DMD: variants seen among roughly 807,000 people sequenced by gnomAD.
DMD encodes the protein dystrophin, also known as mutant dystrophin.
DMD carries 63 observed loss-of-function variants against 330.1 expected under a neutral mutation model. The observed-to-expected ratio is 0.19, with a 90% CI of 0.16 to 0.24. The LOEUF (loss-of-function observed/expected upper bound fraction) is 0.24, where lower values mean the gene tolerates loss of function less well. Ranked by LOEUF, DMD falls within the 10% of genes least tolerant of loss-of-function variation. The probability of loss-of-function intolerance (pLI) is 1.00; values close to 1 mark genes in which losing one functional copy is unlikely to be tolerated. For synonymous variants in DMD, 1,223 were observed against 959.8 expected, an observed-to-expected ratio of 1.27 and a Z score of -5.07; for missense variants, 3,344 against 2,684.1, an observed-to-expected ratio of 1.25 and a Z score of -5.43.
chrX:32,823,191 GTTTGTTAT>G (rs2078417939), intron 5 of DMD, 96 bp downstream of exon 5: 1 of 650,343 alleles, frequency 1.5e-6, no homozygotes, highest in Non-Finnish European at 2.5e-6. Flanking sequence ...ATGGAGCAGG[GTTTGTTAT>G]TGTTAGAAAT....
At chrX:32,159,808 T>G (rs934456403) in intron 44 of DMD, among the ~76,000 whole-genome samples, 1 of 111,847 alleles carries the variant, frequency 8.9e-6, no homozygotes, top group African/African-American at 3.3e-5. Context: ...GTGGCTTATG[T>G]CTTTGCTACC....
chrX:32,574,865 C>A (rs188486520), intron 13 of DMD, among the ~76,000 whole-genome samples: 3 of 108,507 alleles, frequency 2.8e-5, no homozygotes, highest in Admixed American at 2.0e-4. Context: ...TTAAACAATG[C>A]AAATGAAATT....
intron 50 of DMD, among the ~76,000 whole-genome samples, chrX:31,791,735 CCTTA>C (rs1458024682): frequency 1.8e-5 from 2 of 111,604 alleles, no homozygotes; most frequent in Non-Finnish European, 3.8e-5. Context: ...CCATTTTATT[CCTTA>C]CTAATGTCTA....
intron 1 of DMD, among the ~76,000 whole-genome samples, chrX:33,200,130 A>G (rs1186292122): frequency 8.9e-6 from 1 of 111,978 alleles, no homozygotes; most frequent in Admixed American, 9.5e-5. Context: ...TCAAAAAAGA[A>G]ACCAACAAAG....
chrX:33,134,663 T>C lies in DMD; in HGVS notation c.31+76619A>G, dbSNP rs192901108. 6.2e-5 allele frequency among the ~76,000 whole-genome samples: 7 copies of C among 112,421 alleles called. No homozygotes were observed. In the East Asian group the frequency reaches 1.7e-3, roughly 27 times the overall value. On this transcript the variant is annotated intron_variant, in intron 1 of 78. Coordinates refer to ENST00000357033, the MANE Select transcript of DMD (RefSeq NM_004006.3). ...ATGTTAGTCAGCTCGACTGACTCTT[T>C]CTACAACATACACATAGATCAAAAA...
intron 69 of DMD, among the ~76,000 whole-genome samples, chrX:31,179,416 G>A (rs2041787944): frequency 8.9e-6 from 1 of 112,524 alleles, no homozygotes; most frequent in South Asian, 3.7e-4. Context: ...AGAGCATCAG[G>A]AGTTGGGGCC....
chrX:31,339,864 C>T (rs1210059271), intron 61 of DMD, among the ~76,000 whole-genome samples: 1 of 112,576 alleles, frequency 8.9e-6, no homozygotes, highest in Non-Finnish European at 1.9e-5. Context: ...CGTGAGCCAC[C>T]GCACCCGGCC....
chrX:32,388,305 A>G (rs778556037), intron 32 of DMD, among the ~76,000 whole-genome samples: 1 of 101,946 alleles, frequency 9.8e-6, no homozygotes, highest in Non-Finnish European at 2.0e-5. Context: ...TGCAAATATT[A>G]GTCATGAATA....
At chrX:33,010,254 A>ATGTACATATGTGTGTGTATG (rs2147638634) in intron 2 of DMD, among the ~76,000 whole-genome samples, 1 of 55,865 alleles carries the variant, frequency 1.8e-5, no homozygotes, top group Non-Finnish European at 4.7e-5. Context: ...GTGTGTATAT[A>ATGTACATATGTGTGTGTATG]TGTACAAATA....
chrX:32,335,529 T>A (rs1569558403), intron 41 of DMD, among the ~76,000 whole-genome samples: 2 of 102,718 alleles, frequency 1.9e-5, no homozygotes, highest in Middle Eastern at 5.7e-3. Context: ...ATGTTATATA[T>A]AAAACATGTT....
At chrX:32,583,507 T>C (rs2053891445) in intron 13 of DMD, 1 of 111,474 alleles carries the variant, frequency 9.0e-6, no homozygotes, top group Admixed American at 9.6e-5. Flanking sequence ...CTCAAAAAAA[T>C]ATTACCATAT....
chrX:31,653,616 A>T (rs766617574), intron 54 of DMD, among the ~76,000 whole-genome samples: 49 of 111,260 alleles, frequency 4.4e-4, no homozygotes, highest in Admixed American at 1.2e-3. Flanking sequence ...CTGGAACAGA[A>T]ATAAGGAAAT....
At chrX:31,805,730 T>C (rs776369518) in intron 50 of DMD, among the ~76,000 whole-genome samples, 157 of 112,407 alleles carry the variant, frequency 1.4e-3, no homozygotes, top group African/African-American at 5.0e-3. Context: ...ATGTCCATTC[T>C]ATGCTAAGTA....
chrX:32,765,924 T>C (rs922793802), intron 7 of DMD, among the ~76,000 whole-genome samples: 22 of 112,111 alleles, frequency 2.0e-4, no homozygotes, highest in Non-Finnish European at 3.9e-4. Context: ...TTTAAATGTA[T>C]ATATTCAGTT....
intron 41 of DMD, among the ~76,000 whole-genome samples, chrX:32,339,863 C>G (rs2097732672): frequency 9.0e-6 from 1 of 111,576 alleles, no homozygotes; most frequent in South Asian, 3.7e-4. Context: ...AAGTAAAAAT[C>G]AAACAATTAG....
intron 55 of DMD, among the ~76,000 whole-genome samples, chrX:31,608,464 T>C (rs1203944027): frequency 8.9e-6 from 1 of 111,890 alleles, no homozygotes; most frequent in Non-Finnish European, 1.9e-5. Flanking sequence ...CAGTGAACCA[T>C]TAAAAAATAA....
At chrX:32,620,076 T>C in intron 11 of DMD, among the ~76,000 whole-genome samples, 1 of 112,098 alleles carries the variant, frequency 8.9e-6, no homozygotes, top group East Asian at 2.8e-4. Flanking sequence ...ACAGAAAATC[T>C]AGACTTCATC....
intron 1 of DMD, among the ~76,000 whole-genome samples, chrX:33,235,351 G>T (rs2052457818): frequency 9.0e-6 from 1 of 111,664 alleles, no homozygotes; most frequent in South Asian, 3.7e-4. Flanking sequence ...AGGAAACATT[G>T]ATCATTTACT....
chrX:31,423,811 G>A (rs2063560924), intron 60 of DMD, among the ~76,000 whole-genome samples: 1 of 111,525 alleles, frequency 9.0e-6, no homozygotes, highest in South Asian at 3.8e-4. Flanking sequence ...AGGCTCCCTG[G>A]ATATGGGAAT....
Sources: allele counts gnomAD v4.1 joint callset (sites outside exome capture counted in the v4.1 genomes callset), GRCh38; gene constraint gnomAD v4.1.1; transcripts MANE v1.5; gene names NCBI Gene and HGNC (gene_info 2026-07-23, HGNC 2026-07-21).